Variants in CADPS2 observed in about 807,000 individuals in gnomAD.
CADPS2 encodes the protein calcium dependent secretion activator 2.
Under a neutral mutation model 172.5 loss-of-function variants are expected in CADPS2, and 93 were observed. That is an observed-to-expected ratio of 0.54 (90% CI 0.46 to 0.64). The LOEUF (loss-of-function observed/expected upper bound fraction) is 0.64, where lower values mean the gene tolerates loss of function less well. Ranked by LOEUF, CADPS2 falls within the 30% of genes least tolerant of loss-of-function variation. The pLI, the probability that CADPS2 is intolerant of heterozygous loss-of-function variation, is 0.00. For missense variants in CADPS2, 1,420 were observed against 1,565.9 expected, an observed-to-expected ratio of 0.91 and a Z score of 1.57; for synonymous variants, 546 against 555.2, an observed-to-expected ratio of 0.98 and a Z score of 0.23.
chr7:122,338,599 T>G (rs1008166015), intron 28 of CADPS2, among the ~76,000 whole-genome samples: 1 of 152,194 alleles, frequency 6.6e-6, no homozygotes, highest in Non-Finnish European at 1.5e-5. Flanking sequence ...TTATTTATAT[T>G]TGAGTACTTT....
At chr7:122,690,411 C>G (rs993246051) in intron 2 of CADPS2, among the ~76,000 whole-genome samples, 1 of 152,146 alleles carries the variant, frequency 6.6e-6, no homozygotes, top group African/African-American at 2.4e-5. Context: ...CGTTCCCCTA[C>G]GAACGGCTAA....
intron 6 of CADPS2, among the ~76,000 whole-genome samples, chr7:122,583,111 T>C (rs2069076960): frequency 6.6e-6 from 1 of 151,916 alleles, no homozygotes; most frequent in Admixed American, 6.6e-5. Flanking sequence ...CACTCATGGT[T>C]CCATGAACTT....
chr7:122,458,028 C>T (rs1233472726), intron 14 of CADPS2, among the ~76,000 whole-genome samples: 1 of 152,186 alleles, frequency 6.6e-6, no homozygotes, highest in African/African-American at 2.4e-5. Context: ...ATTTCACAAG[C>T]AATGCATGAG....
At chr7:122,352,893 G>C (rs1017936551) in intron 27 of CADPS2, among the ~76,000 whole-genome samples, 1 of 152,190 alleles carries the variant, frequency 6.6e-6, no homozygotes, top group East Asian at 1.9e-4. Context: ...GAAGGCAACT[G>C]GTTTTTCTTT....
intron 1 of CADPS2, among the ~76,000 whole-genome samples, chr7:122,826,836 GA>G (rs889906317): frequency 6.7e-5 from 10 of 148,814 alleles, no homozygotes; most frequent in East Asian, 2.0e-4. Context: ...GCATAGATTA[GA>G]AAAAAAAATG....
chr7:122,604,870 G>T (rs1329473022), intron 6 of CADPS2, among the ~76,000 whole-genome samples: 2 of 152,106 alleles, frequency 1.3e-5, no homozygotes, highest in African/African-American at 4.8e-5. Flanking sequence ...TAGGCTCTGA[G>T]AAATGCATCC....
rs2044822465 is a variant in CADPS2 at position 122,394,644 on chromosome 7, A to C, written c.2747-1062T>G. Among the ~76,000 whole-genome samples the C allele has an allele frequency of 2.6e-5, 4 of 152,120 alleles. No homozygotes were observed. In the South Asian group the frequency reaches 8.3e-4, roughly 32 times the overall value. Reference sequence around the variant, plus strand: ...AGCAAACAAGTTTTGGGAAGGAATAAGCTTGGGTCTTTGCAGAAAGATGAA... The same window carrying C: ...AGCAAACAAGTTTTGGGAAGGAATACGCTTGGGTCTTTGCAGAAAGATGAA... On this transcript the variant is annotated intron_variant, in intron 20 of 29. Coordinates refer to ENST00000449022, the MANE Select transcript of CADPS2 (RefSeq NM_017954.11).
At chr7:122,487,014 T>A (rs2057880625) in intron 11 of CADPS2, among the ~76,000 whole-genome samples, 1 of 55,226 alleles carries the variant, frequency 1.8e-5, no homozygotes, top group Non-Finnish European at 3.6e-5. Flanking sequence ...AACATAACTT[T>A]TTTTTTTTTT....
At chr7:122,785,316 T>C (rs983399235) in intron 1 of CADPS2, among the ~76,000 whole-genome samples, 1 of 152,248 alleles carries the variant, frequency 6.6e-6, no homozygotes, top group African/African-American at 2.4e-5. Flanking sequence ...TGTATACTTA[T>C]GTAGATTGTC....
chr7:122,481,075 G>A (rs566819425), intron 11 of CADPS2, among the ~76,000 whole-genome samples: 1 of 152,048 alleles, frequency 6.6e-6, no homozygotes, highest in Admixed American at 6.5e-5. Context: ...CTCTCTGGAG[G>A]AACTCTGGAG....
chr7:122,811,369 A>G (rs17144928), intron 1 of CADPS2, among the ~76,000 whole-genome samples: 32,713 of 152,116 alleles, frequency 0.22, 3,764 homozygotes, highest in Middle Eastern at 0.31. Flanking sequence ...AAAATAACAC[A>G]GCTATAAAAT....
At chr7:122,853,917 A>C (rs1051340567) in intron 1 of CADPS2, among the ~76,000 whole-genome samples, 1 of 152,184 alleles carries the variant, frequency 6.6e-6, no homozygotes, top group South Asian at 2.1e-4. Flanking sequence ...CCCAAGGCAA[A>C]GTCCCAGAAG....
intron 1 of CADPS2, among the ~76,000 whole-genome samples, chr7:122,772,310 T>TTCTTC (rs1254182219): frequency 6.6e-6 from 1 of 152,202 alleles, no homozygotes; most frequent in African/African-American, 2.4e-5. Flanking sequence ...AAAATGTGAT[T>TTCTTC]AACATATCAC....
At chr7:122,777,793 G>A (rs1470045838) in intron 1 of CADPS2, among the ~76,000 whole-genome samples, 1 of 152,024 alleles carries the variant, frequency 6.6e-6, no homozygotes, top group African/African-American at 2.4e-5. Context: ...TCCTAGCCCT[G>A]TGGAACTGTG....
intron 27 of CADPS2, among the ~76,000 whole-genome samples, chr7:122,355,649 A>T (rs188976187): frequency 2.6e-5 from 4 of 151,458 alleles, no homozygotes; most frequent in Admixed American, 2.6e-4. Context: ...TATCCAGAAA[A>T]TTTTTTCTAG....
At chr7:122,638,811 C>T (rs2077320503) in intron 3 of CADPS2, among the ~76,000 whole-genome samples, 2 of 152,146 alleles carry the variant, frequency 1.3e-5, no homozygotes, top group South Asian at 2.1e-4. Flanking sequence ...TGCCCAGCTT[C>T]GATTTTCTCT....
intron 8 of CADPS2, among the ~76,000 whole-genome samples, chr7:122,532,030 C>CTAA (rs2061798874): frequency 7.6e-6 from 1 of 131,604 alleles, no homozygotes; most frequent in African/African-American, 2.8e-5. Flanking sequence ...GACTCCGTCT[C>CTAA]AAAAAAAAAA....
At position 122,640,468 on chromosome 7, in the gene CADPS2, T is replaced by TAC. The variant is rs1199643694; in HGVS notation, c.787-11141_787-11140insGT. ...ATAAGTGGTTGTGTGTGCACACACA[T>TAC]ATACACACACACACACACACACAGA... On this transcript the variant is annotated intron_variant, in intron 3 of 29. Coordinates refer to ENST00000449022, the MANE Select transcript of CADPS2 (RefSeq NM_017954.11). 2.1e-3 allele frequency among the ~76,000 whole-genome samples: 282 copies of TAC among 134,120 alleles called. 1 individual carries two copies. The highest frequency in any genetic ancestry group is 7.3e-3 in the African/African-American group (270 of 36,960). 88.0% of individuals were successfully genotyped at this position (134,120 alleles called of 152,430 possible).
chr7:122,527,651 T>TGC, intron 8 of CADPS2, among the ~76,000 whole-genome samples: 1 of 141,990 alleles, frequency 7.0e-6, no homozygotes, highest in Non-Finnish European at 1.5e-5. Context: ...TGTGTGTGTG[T>TGC]GTTTCCTGCA....
Sources: gnomAD v4.1 joint callset for allele counts (sites outside exome capture counted in the v4.1 genomes callset) on GRCh38, gnomAD v4.1.1 for gene constraint, MANE v1.5 for transcripts, NCBI Gene and HGNC (gene_info 2026-07-23, HGNC 2026-07-21) for gene names.